Variants in PRKCZ observed in about 807,000 individuals in gnomAD.
The protein encoded by PRKCZ is protein kinase C zeta type.
In PRKCZ, 33 loss-of-function variants were observed where a neutral mutation model predicts 79.5. That is an observed-to-expected ratio of 0.41 (90% CI 0.31 to 0.55). The LOEUF (loss-of-function observed/expected upper bound fraction) is 0.55. PRKCZ is among the 20% of genes least tolerant of loss of function. PRKCZ has a pLI of 0.19. For missense variants in PRKCZ, 578 were observed against 813.5 expected (o/e 0.71, Z 3.52); for synonymous variants, 342 against 320.9 (o/e 1.07, Z -0.70).
At chr1:2,176,522 A>G (rs965313844) in intron 16 of PRKCZ, among the ~76,000 whole-genome samples, 1 of 152,220 alleles carries the variant, frequency 6.6e-6, no homozygotes, top group Non-Finnish European at 1.5e-5. Context: ...CCAGCTGTGT[A>G]AATGGTTGCA....
At position 2,125,404 on chromosome 1, in the gene PRKCZ, C is replaced by T. The variant is rs1673671363; in HGVS notation, c.335-9858C>T. Among the ~76,000 whole-genome samples the T allele has an allele frequency of 6.6e-6, 1 of 152,206 alleles. No individual in the cohort carries two copies. The stretch of plus-strand genomic sequence containing the variant: ...CCAGACTGTTGGAATGTAATTCCTT[C>T]CCAAACATCTCTCAGGGGCACTTTC... On this transcript the variant is annotated intron_variant, in intron 4 of 17. Coordinates refer to ENST00000378567, the MANE Select transcript of PRKCZ (RefSeq NM_002744.6). The surrounding 1 kb of genome is among the most constrained non-coding windows in gnomAD (Gnocchi z 4.2).
At chr1:2,181,726 T>C (rs1388137926) in intron 16 of PRKCZ, 2 of 442,672 alleles carry the variant, frequency 4.5e-6, no homozygotes, top group Non-Finnish European at 9.1e-6. Flanking sequence ...AGCTGGGTCC[T>C]GCTCTGTTCC....
At chr1:2,057,165 T>C (rs971387251) in intron 3 of PRKCZ, among the ~76,000 whole-genome samples, 2 of 152,264 alleles carry the variant, frequency 1.3e-5, no homozygotes, top group African/African-American at 4.8e-5. Context: ...CCACCTCACC[T>C]GCCCGGTGCT....
intron 4 of PRKCZ, among the ~76,000 whole-genome samples, chr1:2,121,582 T>C (rs1199543752): frequency 1.1e-3 from 29 of 26,776 alleles, no homozygotes; most frequent in Middle Eastern, 0.019. Context: ...AGGGTGATGG[T>C]GGTAGTTAAG....
chr1:2,120,568 T>C (rs1198505540), intron 4 of PRKCZ, among the ~76,000 whole-genome samples: 2 of 151,940 alleles, frequency 1.3e-5, no homozygotes, highest in Admixed American at 6.6e-5. Context: ...AGTGCTGGGA[T>C]TACAGGTGTG....
intron 16 of PRKCZ, chr1:2,184,349 A>G (rs1687209651): frequency 4.2e-6 from 2 of 472,400 alleles, no homozygotes; most frequent in South Asian, 4.5e-5. Context: ...TCCGTCCCAC[A>G]TGTGGCCAGC....
At chr1:2,120,993 T>C (rs900692815) in intron 4 of PRKCZ, among the ~76,000 whole-genome samples, 1 of 152,122 alleles carries the variant, frequency 6.6e-6, no homozygotes, top group East Asian at 1.9e-4. Flanking sequence ...TTTATGTTTT[T>C]ATTAGAGACG....
intron 4 of PRKCZ, among the ~76,000 whole-genome samples, chr1:2,112,758 C>T (rs565269681): frequency 8.6e-5 from 13 of 151,346 alleles, no homozygotes; most frequent in African/African-American, 2.9e-4. Flanking sequence ...GGCGTGATCT[C>T]GGCTCACTGT....
chr1:2,167,491 G>A (rs936955473), intron 10 of PRKCZ, among the ~76,000 whole-genome samples: 5 of 152,206 alleles, frequency 3.3e-5, no homozygotes, highest in African/African-American at 1.2e-4. Flanking sequence ...TGGGGTGAAC[G>A]TGGCTCCTCT....
rs955938759 is a variant in PRKCZ, at chr1:2,173,696, G to C, written c.1286-201G>C. 1.3e-5 allele frequency among the ~76,000 whole-genome samples: 2 copies of C among 152,218 alleles called. No homozygotes were observed. The highest frequency in any genetic ancestry group is 1.5e-5 in the Non-Finnish European group (1 of 68,038). On this transcript the variant is annotated intron_variant, in intron 13 of 17. Coordinates refer to ENST00000378567, the MANE Select transcript of PRKCZ (RefSeq NM_002744.6). This position sits in a 1 kb window ranked among gnomAD's most constrained non-coding sequence, Gnocchi z 5.7. ...AGCCTGGGAGACCTCCGTAGTGTCA[G>C]GGACGGTGGCAGGGAGGCCGAGCTG...
chr1:2,055,527 A>G lies in PRKCZ; in HGVS notation c.158A>G (p.Gln53Arg), dbSNP rs902053495. ...AGAGACATGTGTCGTCTGCACCAGC[A>G]GCACCCGCTCACCCTCAAGTGGGTG... is the stretch of plus-strand genomic sequence containing the variant. Reference protein sequence around the residue: ...EVRDMCRLHQQHPLTLKWVDS... With the variant: ...EVRDMCRLHQRHPLTLKWVDS... Residue 53 changes from glutamine to arginine, a missense_variant, in exon 2 of 18, where the codon CAG becomes CGG. By Grantham distance (43) the Gln-to-Arg change is conservative. Transcript: ENST00000378567. 3 of 1,613,972 alleles carry G rather than the reference A, an allele frequency of 1.9e-6. No individual in the cohort carries two copies. The highest frequency in any genetic ancestry group is 2.7e-5 in the African/African-American group (2 of 74,932).
At chr1:2,051,114 G>C (rs1557463203) in intron 1 of PRKCZ, 1 of 156,082 alleles carries the variant, frequency 6.4e-6, no homozygotes, top group Admixed American at 6.5e-5. Context: ...CGGGGGTCTC[G>C]CTTTAGCCAA....
rs971280983 is a variant in PRKCZ, at chr1:2,144,324, A to G, written c.535A>G (p.Thr179Ala). The G allele has an allele frequency of 7.0e-6, 11 of 1,574,830 alleles. No individual in the cohort carries two copies. The highest frequency in any genetic ancestry group is 8.6e-6 in the Non-Finnish European group (10 of 1,159,854). Residue 179 changes from threonine to alanine, a missense_variant, in exon 6 of 18, where the codon ACC becomes GCC. Thr to Ala is a moderately conservative substitution (Grantham distance 58). Coordinates refer to ENST00000378567, the MANE Select transcript of PRKCZ (RefSeq NM_002744.6). ...HKRCHGLVPL[T>A]CRKHMDSVMP... ...GCGCTGCCACGGCCTCGTCCCGCTG[A>G]CCTGCAGGAAGCATATGGTGAGTGG...
chr1:2,056,362 C>A, intron 2 of PRKCZ, 122 bp from the exon 3 acceptor site: 2 of 860,556 alleles, frequency 2.3e-6, no homozygotes, highest in Non-Finnish European at 1.8e-6. Flanking sequence ...AGGAGGTGGC[C>A]AGTCTGAGCA....
intron 4 of PRKCZ, among the ~76,000 whole-genome samples, chr1:2,080,263 C>T (rs967650838): frequency 1.5e-4 from 20 of 133,480 alleles, no homozygotes; most frequent in Non-Finnish European, 2.4e-4. Context: ...ATCGTGATGA[C>T]GCTTTCTGAA....
At position 2,113,583 on chromosome 1, in the gene PRKCZ, T is replaced by C. The variant is rs117503085; in HGVS notation, c.335-21679T>C. Among the ~76,000 whole-genome samples, 477 of 152,316 alleles carry C rather than the reference T, an allele frequency of 3.1e-3. 12 individuals carry two copies. The East Asian group carries it at 0.066, about 21-fold the overall frequency. On this transcript the variant is annotated intron_variant, in intron 4 of 17. Transcript: ENST00000378567. ...AGTGAGCTGGGATGGACTTCTCTTA[T>C]CCTGACATCCTGGAAGGGGGTGCAG...
chr1:2,100,114 C>G (rs1302230204), intron 4 of PRKCZ, among the ~76,000 whole-genome samples: 2 of 152,214 alleles, frequency 1.3e-5, no homozygotes, highest in African/African-American at 4.8e-5. Context: ...CTATGAGGGC[C>G]AGTGGGGAGA....
At chr1:2,108,121 A>C (rs2102674814) in intron 4 of PRKCZ, among the ~76,000 whole-genome samples, 1 of 152,356 alleles carries the variant, frequency 6.6e-6, no homozygotes, top group Non-Finnish European at 1.5e-5. Flanking sequence ...CCGCACTCTC[A>C]ATAGACCTTC....
rs1047944342 is a variant in PRKCZ at position 2,185,155 on chromosome 1, G to A, written c.*146G>A. 66 of 794,642 alleles carry A rather than the reference G, an allele frequency of 8.3e-5. 1 individual carries two copies. Among genetic ancestry groups the A allele is most frequent in the Non-Finnish European group, 2.3e-5 (11 of 478,750 alleles). The allele number at this position is 794,642 out of a possible 1,614,324, so 49.2% of individuals were successfully genotyped here. On this transcript the variant is annotated 3_prime_UTR_variant, in exon 18 of 18. Transcript: ENST00000378567. Reference sequence around the variant, plus strand: ...CGAGACCGCAGAGGGAAGCGTCAGCGGGCGCTGCTGGGAGCAGAACAGTCC... The same window carrying A: ...CGAGACCGCAGAGGGAAGCGTCAGCAGGCGCTGCTGGGAGCAGAACAGTCC...
Sources: allele counts gnomAD v4.1 joint callset (sites outside exome capture counted in the v4.1 genomes callset), GRCh38; gene constraint gnomAD v4.1.1; non-coding constraint Gnocchi (gnomAD v3.1); transcripts MANE v1.5; gene names NCBI Gene and HGNC (gene_info 2026-07-23, HGNC 2026-07-21).